The following BLM variants were observed in gnomAD, a reference collection of about 807,000 sequenced individuals.
The protein encoded by BLM is recQ-like DNA helicase BLM.
BLM carries 95 observed loss-of-function variants against 135.3 expected under a neutral mutation model. The ratio of observed to expected loss-of-function variants is 0.70; its 90% CI spans 0.59 to 0.83. BLM has a LOEUF of 0.83. Ranked by LOEUF, BLM falls within the 40% of genes least tolerant of loss-of-function variation. The probability of loss-of-function intolerance (pLI) is 0.00; values close to 1 mark genes in which losing one functional copy is unlikely to be tolerated. For missense variants in BLM, 1,518 were observed against 1,663.9 expected (o/e 0.91, Z 1.53); for synonymous variants, 520 against 589.2 (o/e 0.88, Z 1.70).
intron 1 of BLM, among the ~76,000 whole-genome samples, chr15:90,731,203 C>T (rs757086742): frequency 1.2e-4 from 18 of 152,066 alleles, no homozygotes; most frequent in African/African-American, 2.2e-4. Flanking sequence ...CCTCCAAAAG[C>T]GCTGGGATTA....
At chr15:90,735,269 A>ATATT (rs1447602288) in intron 1 of BLM, among the ~76,000 whole-genome samples, 1 of 136,836 alleles carries the variant, frequency 7.3e-6, no homozygotes, top group South Asian at 2.3e-4. Context: ...ATATATATAT[A>ATATT]TATTTAAGTT....
At chr15:90,732,052 G>C (rs530446154) in intron 1 of BLM, among the ~76,000 whole-genome samples, 1 of 151,808 alleles carries the variant, frequency 6.6e-6, no homozygotes, top group East Asian at 1.9e-4. Context: ...TATTTTTTCA[G>C]TTTCTTTTCT....
At chr15:90,725,917 A>G (rs11858756) in intron 1 of BLM, among the ~76,000 whole-genome samples, 5,600 of 152,102 alleles carry the variant, frequency 0.037, 361 homozygotes, top group African/African-American at 0.12. Flanking sequence ...GTACATACAC[A>G]TTTACATAGG....
chr15:90,740,218 C>T (rs1213377107), intron 1 of BLM, among the ~76,000 whole-genome samples: 2 of 152,172 alleles, frequency 1.3e-5, no homozygotes, highest in African/African-American at 4.8e-5. Context: ...TTGCATACCC[C>T]TTGCCATCAT....
rs765143263 is a variant in BLM at position 90,769,459 on chromosome 15, G to C, written c.2428G>C (p.Asp810His). The C allele has an allele frequency of 1.9e-6, 3 of 1,614,124 alleles. No homozygotes were observed. The highest frequency in any genetic ancestry group is 2.5e-6 in the Non-Finnish European group (3 of 1,180,020). Residue 810 changes from aspartate to histidine, a missense_variant, in exon 12 of 22, where the codon GAT becomes CAT. Coordinates refer to ENST00000355112, the MANE Select transcript of BLM (RefSeq NM_000057.4). Reference protein sequence around the residue: ...VSQWGHDFRQDYKRMNMLRQK... With the variant: ...VSQWGHDFRQHYKRMNMLRQK... ...CTAGTGGGGACATGATTTTCGTCAA[G>C]ATTACAAAAGAATGAATATGCTTCG...
rs934966838 is a variant in BLM, at chr15:90,798,241, G to C, written c.3262G>C (p.Val1088Leu). 6.2e-7 allele frequency: 1 copy of C among 1,611,154 alleles called. No individual in the cohort carries two copies. The highest frequency in any genetic ancestry group is 8.5e-7 in the Non-Finnish European group (1 of 1,177,754). ...TDDVKSIVRF[V>L]QEHSSSQGMR... Reference sequence around the variant, plus strand: ...CGATGTGAAAAGTATTGTAAGATTTGTTCAAGAACATAGTTCATCACAAGG... The same window carrying C: ...CGATGTGAAAAGTATTGTAAGATTTCTTCAAGAACATAGTTCATCACAAGG... The change falls in exon 17 of 22, where the codon GTT becomes CTT. Residue 1088 changes from valine (V) to leucine (L), a missense_variant. Transcript: ENST00000355112.
In BLM at chr15:90,755,313, A is replaced by G; in HGVS notation, c.1087+375A>G. 1.3e-5 allele frequency: 3 copies of G among 233,860 alleles called. No homozygotes were observed. The South Asian group carries it at 1.7e-4, about 13-fold the overall frequency. The allele number at this position is 233,860 out of a possible 1,614,324, so 14.5% of individuals were successfully genotyped here. On this transcript the variant is annotated intron_variant, in intron 5 of 21. Coordinates refer to ENST00000355112, the MANE Select transcript of BLM (RefSeq NM_000057.4). Reference sequence around the variant, plus strand: ...ACAGAGCGTAATCTCATCATAATAGAGTTTCCCTCCCCCTCCTTGACTAAA... The same window carrying G: ...ACAGAGCGTAATCTCATCATAATAGGGTTTCCCTCCCCCTCCTTGACTAAA...
intron 10 of BLM, among the ~76,000 whole-genome samples, chr15:90,767,879 T>C (rs1050814618): frequency 2.0e-5 from 3 of 152,128 alleles, no homozygotes; most frequent in Admixed American, 1.3e-4. Flanking sequence ...ATGATAGATA[T>C]AAAATTATTT....
At chr15:90,737,432 A>G (rs1895248966) in intron 1 of BLM, among the ~76,000 whole-genome samples, 1 of 152,176 alleles carries the variant, frequency 6.6e-6, no homozygotes, top group South Asian at 2.1e-4. Flanking sequence ...TAGATTTTAA[A>G]GATTTTTCCT....
chr15:90,774,677 T>C (rs1896423788), intron 12 of BLM, among the ~76,000 whole-genome samples: 1 of 151,100 alleles, frequency 6.6e-6, no homozygotes, highest in Non-Finnish European at 1.5e-5. Context: ...CTACTAAAAA[T>C]ACAAAAATTA....
rs142900358 is a variant in BLM, at chr15:90,800,130, C to G, written c.3358+1793C>G. 7.2e-3 allele frequency among the ~76,000 whole-genome samples: 1,103 copies of G among 152,286 alleles called. 15 individuals carry two copies. The highest frequency in any genetic ancestry group is 0.024 in the African/African-American group (995 of 41,556). ...GCAGATAAGAGATTTCAGATGCCTTCTGCTCAAAATAATTTTTATGCCACA... is the reference window on the plus strand; with the variant it reads ...GCAGATAAGAGATTTCAGATGCCTTGTGCTCAAAATAATTTTTATGCCACA... On this transcript the variant is annotated intron_variant, in intron 17 of 21. Coordinates refer to ENST00000355112, the MANE Select transcript of BLM (RefSeq NM_000057.4).
intron 15 of BLM, among the ~76,000 whole-genome samples, chr15:90,792,678 T>A (rs1205886724): frequency 6.6e-6 from 1 of 152,126 alleles, no homozygotes; most frequent in Non-Finnish European, 1.5e-5. Context: ...TAGCCCTTCC[T>A]ATGTGCCATT....
At chr15:90,758,022 C>T (rs1378572259) in intron 5 of BLM, among the ~76,000 whole-genome samples, 1 of 151,928 alleles carries the variant, frequency 6.6e-6, no homozygotes, top group Non-Finnish European at 1.5e-5. Context: ...GCTGGGACTA[C>T]AGGCATGCAC....
At chr15:90,804,024 C>A in intron 18 of BLM, 143 bp from the exon 19 acceptor site, 1 of 771,926 alleles carries the variant, frequency 1.3e-6, no homozygotes, top group Non-Finnish European at 2.1e-6. Context: ...GGAGAATGCA[C>A]AGCCCCTGTT....
At chr15:90,743,760 C>T (rs796631739) in intron 1 of BLM, among the ~76,000 whole-genome samples, 4 of 152,226 alleles carry the variant, frequency 2.6e-5, no homozygotes, top group African/African-American at 9.6e-5. Flanking sequence ...GAAGAGACAC[C>T]CTTATGGTTC....
chr15:90,729,833 GATTTTT>G (rs758213535), intron 1 of BLM, among the ~76,000 whole-genome samples: 60 of 152,100 alleles, frequency 3.9e-4, no homozygotes, highest in Admixed American at 8.5e-4. Context: ...ATTCACTTAA[GATTTTT>G]ATTTTTATTT....
intron 12 of BLM, among the ~76,000 whole-genome samples, chr15:90,776,590 C>T (rs546702516): frequency 3.3e-5 from 5 of 152,256 alleles, no homozygotes; most frequent in South Asian, 4.1e-4. Context: ...GGTGCGATCT[C>T]GGCTCACTGC....
Position 90,798,217 on chromosome 15 carries a change from G to C in BLM, c.3238G>C (p.Asp1080His), listed in dbSNP as rs771767745. 52 of 1,608,478 alleles carry C rather than the reference G, an allele frequency of 3.2e-5. 3 individuals carry two copies. In the South Asian group the frequency reaches 5.6e-4, roughly 17 times the overall value. The change falls in exon 17 of 22, where the codon GAT becomes CAT. Residue 1080 changes from aspartate (D) to histidine (H), a missense_variant. Coordinates refer to ENST00000355112, the MANE Select transcript of BLM (RefSeq NM_000057.4). ...KDYKTRDVTDDVKSIVRFVQE... is the reference protein window; with the variant it reads ...KDYKTRDVTDHVKSIVRFVQE... The stretch of plus-strand genomic sequence containing the variant: ...TTATAAAACAAGAGATGTGACTGAC[G>C]ATGTGAAAAGTATTGTAAGATTTGT...
chr15:90,787,672 G>T (rs1203196729), intron 14 of BLM, among the ~76,000 whole-genome samples: 1 of 152,158 alleles, frequency 6.6e-6, no homozygotes, highest in Non-Finnish European at 1.5e-5. Flanking sequence ...TTTATGGCCA[G>T]GTGCAGTGGC....
Sources: allele counts gnomAD v4.1 joint callset (sites outside exome capture counted in the v4.1 genomes callset), GRCh38; gene constraint gnomAD v4.1.1; transcripts MANE v1.5; gene names NCBI Gene and HGNC (gene_info 2026-07-23, HGNC 2026-07-21).